TBC1D22A: variants seen among roughly 807,000 people sequenced by gnomAD.
TBC1D22A encodes TBC1 domain family member 22A, also known as putative GTPase activator.
Under a neutral mutation model 60.2 loss-of-function variants are expected in TBC1D22A, and 38 were observed. That is an observed-to-expected ratio of 0.63 (90% CI 0.49 to 0.83). TBC1D22A has a LOEUF of 0.83. Among genes scored for constraint, TBC1D22A ranks in the 40% least tolerant of loss-of-function variants. The probability of loss-of-function intolerance (pLI) is 0.00; values close to 1 mark genes in which losing one functional copy is unlikely to be tolerated. For missense variants in TBC1D22A, 628 were observed against 701.0 expected (o/e 0.90, Z 1.18); for synonymous variants, 302 against 281.7 (o/e 1.07, Z -0.72).
At chr22:46,869,258 G>A (rs1045621210) in intron 4 of TBC1D22A, among the ~76,000 whole-genome samples, 2 of 152,204 alleles carry the variant, frequency 1.3e-5, no homozygotes, top group African/African-American at 4.8e-5. Context: ...AATCTTTCCT[G>A]ATGTCCCCTT....
At chr22:46,899,318 G>A (rs1347681585) in intron 7 of TBC1D22A, among the ~76,000 whole-genome samples, 2 of 152,032 alleles carry the variant, frequency 1.3e-5, no homozygotes, top group African/African-American at 2.4e-5. Flanking sequence ...GTGGTGGGGC[G>A]TACCTGTAGT....
At chr22:46,900,147 T>TG (rs201798297) in intron 7 of TBC1D22A, among the ~76,000 whole-genome samples, 5 of 151,188 alleles carry the variant, frequency 3.3e-5, no homozygotes, top group African/African-American at 1.2e-4. Flanking sequence ...TTGACAGCTG[T>TG]GGTTTTTTTT....
chr22:47,027,952 AGGG>A lies in TBC1D22A; in HGVS notation c.1202-9118_1202-9116del, dbSNP rs371279008. On this transcript the variant is annotated intron_variant, in intron 10 of 12. Transcript: ENST00000337137. The stretch of plus-strand genomic sequence containing the variant: ...GGTTCCCTGGCCGTGGAGCACAGTC[AGGG>A]CCCCTGGAGCTTCAGGCACCCAGGG... 1.6e-3 allele frequency among the ~76,000 whole-genome samples: 236 copies of A among 152,216 alleles called. 2 individuals carry two copies. The highest frequency in any genetic ancestry group is 3.4e-3 in the Middle Eastern group (1 of 294).
At chr22:47,032,340 C>A (rs921039574) in intron 10 of TBC1D22A, among the ~76,000 whole-genome samples, 1 of 152,236 alleles carries the variant, frequency 6.6e-6, no homozygotes, top group Non-Finnish European at 1.5e-5. Context: ...GGACAAAGTC[C>A]CTGCCCTCGA....
intron 11 of TBC1D22A, among the ~76,000 whole-genome samples, chr22:47,087,928 C>T (rs972277226): frequency 6.6e-6 from 1 of 151,934 alleles, no homozygotes; most frequent in Non-Finnish European, 1.5e-5. Context: ...ACAAAATTAG[C>T]CAGGCGTGGT....
chr22:46,893,048 C>T (rs536847829), intron 6 of TBC1D22A, among the ~76,000 whole-genome samples: 5 of 152,306 alleles, frequency 3.3e-5, no homozygotes, highest in South Asian at 2.1e-4. Context: ...TCCACTTGGG[C>T]GTTTGACCTG....
chr22:46,766,105 T>C (rs565220870), intron 1 of TBC1D22A, among the ~76,000 whole-genome samples: 226 of 151,182 alleles, frequency 1.5e-3, no homozygotes, highest in Non-Finnish European at 2.4e-3. Flanking sequence ...TCACGCCATT[T>C]TCCTGCCTCA....
At chr22:47,059,808 TATG>T (rs968574975) in intron 11 of TBC1D22A, among the ~76,000 whole-genome samples, 47 of 152,304 alleles carry the variant, frequency 3.1e-4, no homozygotes, top group African/African-American at 1.0e-3. Flanking sequence ...GCAGGGATCT[TATG>T]ATTATTACTA....
chr22:46,806,654 T>TA (rs1317298867), intron 4 of TBC1D22A, among the ~76,000 whole-genome samples: 1 of 152,024 alleles, frequency 6.6e-6, no homozygotes, highest in African/African-American at 2.4e-5. Context: ...AAAATCAAGC[T>TA]AAAAAAGGAT....
chr22:46,808,550 G>T (rs773439202), intron 4 of TBC1D22A, among the ~76,000 whole-genome samples: 8 of 152,052 alleles, frequency 5.3e-5, no homozygotes, highest in Non-Finnish European at 1.0e-4. Flanking sequence ...TGATGTTATT[G>T]TGTGTGGTGA....
At chr22:47,118,725 C>T (rs1167586464) in intron 12 of TBC1D22A, among the ~76,000 whole-genome samples, 1 of 152,102 alleles carries the variant, frequency 6.6e-6, no homozygotes, top group African/African-American at 2.4e-5. Flanking sequence ...GGCAGACCTC[C>T]AGCAAGGAGG....
chr22:46,876,493 C>T (rs2067573185), intron 4 of TBC1D22A, among the ~76,000 whole-genome samples: 1 of 152,226 alleles, frequency 6.6e-6, no homozygotes, highest in Non-Finnish European at 1.5e-5. Context: ...CTGTTTCCTG[C>T]CATTCTCTCG....
At chr22:47,082,999 A>G (rs1002685825) in intron 11 of TBC1D22A, among the ~76,000 whole-genome samples, 5 of 152,266 alleles carry the variant, frequency 3.3e-5, no homozygotes, top group African/African-American at 1.2e-4. Context: ...CATACCGAGC[A>G]GTGCTCTTCA....
intron 8 of TBC1D22A, among the ~76,000 whole-genome samples, chr22:46,969,328 G>T (rs1036426246): frequency 6.6e-6 from 1 of 152,278 alleles, no homozygotes; most frequent in East Asian, 1.9e-4. Context: ...CACCTTGCAG[G>T]AGTGTTCAGA....
At chr22:46,985,558 C>T (rs1319738918) in intron 9 of TBC1D22A, among the ~76,000 whole-genome samples, 28 of 152,276 alleles carry the variant, frequency 1.8e-4, no homozygotes. Flanking sequence ...GCTTTGAAAA[C>T]CCTAAGAATC....
intron 11 of TBC1D22A, among the ~76,000 whole-genome samples, chr22:47,090,854 G>C (rs375989418): frequency 1.2e-4 from 13 of 111,314 alleles, no homozygotes; most frequent in South Asian, 7.1e-4. Context: ...GTCGTCTTTG[G>C]GGGGAGTGGC....
chr22:47,161,647 G>T (rs1408328885), intron 12 of TBC1D22A, among the ~76,000 whole-genome samples: 1 of 152,238 alleles, frequency 6.6e-6, no homozygotes, highest in Admixed American at 6.5e-5. Context: ...GTGACCTGGA[G>T]CAAGGGGCTG....
intron 11 of TBC1D22A, among the ~76,000 whole-genome samples, chr22:47,040,093 C>T (rs374177918): frequency 5.9e-5 from 9 of 151,902 alleles, no homozygotes; most frequent in Non-Finnish European, 1.3e-4. Flanking sequence ...TACAGGTGCC[C>T]GCCACCACGC....
intron 1 of TBC1D22A, among the ~76,000 whole-genome samples, chr22:46,781,517 C>T (rs2083936610): frequency 6.6e-6 from 1 of 152,166 alleles, no homozygotes; most frequent in South Asian, 2.1e-4. Context: ...CCTCGCCTGC[C>T]ATGGGTGTCC....
Sources: allele counts gnomAD v4.1 joint callset (sites outside exome capture counted in the v4.1 genomes callset), GRCh38; gene constraint gnomAD v4.1.1; transcripts MANE v1.5; gene names NCBI Gene and HGNC (gene_info 2026-07-23, HGNC 2026-07-21).